ZNF18: variants seen among roughly 807,000 people sequenced by gnomAD.
ZNF18 encodes heart development-specific gene 1 protein.
Under a neutral mutation model 58.1 loss-of-function variants are expected in ZNF18, and 42 were observed. That is an observed-to-expected ratio of 0.72 (90% CI 0.56 to 0.93). The LOEUF (loss-of-function observed/expected upper bound fraction) is 0.93. ZNF18 is among the 40% of genes least tolerant of loss of function. The pLI is 0.00. For missense variants in ZNF18, 540 were observed against 644.2 expected, an observed-to-expected ratio of 0.84 and a Z score of 1.75; for synonymous variants, 231 against 239.8, an observed-to-expected ratio of 0.96 and a Z score of 0.34.
intron 2 of ZNF18, among the ~76,000 whole-genome samples, chr17:11,991,888 G>A (rs1242002692): frequency 6.6e-6 from 1 of 152,172 alleles, no homozygotes; most frequent in African/African-American, 2.4e-5. Context: ...TGCCAAAGCA[G>A]TGAAGCCTCC....
At chr17:11,996,767 C>T (rs1308178341) in intron 1 of ZNF18, 2 of 152,190 alleles carry the variant, frequency 1.3e-5, no homozygotes, top group African/African-American at 4.8e-5. Flanking sequence ...CGTATCGGCT[C>T]ATTATTAAGC....
the ZNF18 span, among the ~76,000 whole-genome samples, chr17:12,012,679 T>G: frequency 6.6e-6 from 1 of 152,124 alleles, no homozygotes; most frequent in Non-Finnish European, 1.5e-5. Flanking sequence ...GTGGTTTTAA[T>G]TTACATCTTT....
the ZNF18 span, among the ~76,000 whole-genome samples, chr17:12,018,402 T>C: frequency 2.6e-5 from 4 of 152,214 alleles, no homozygotes; most frequent in African/African-American, 7.2e-5. Context: ...TTGGTGTCTT[T>C]TGAGGACACA....
intron 1 of ZNF18, among the ~76,000 whole-genome samples, chr17:11,994,951 G>C (rs1171159654): frequency 6.6e-6 from 1 of 152,230 alleles, no homozygotes; most frequent in Non-Finnish European, 1.5e-5. Flanking sequence ...ACACTGAGTA[G>C]CCTGAAGAGG....
chr17:12,017,288 C>T, the ZNF18 span, among the ~76,000 whole-genome samples: 2 of 152,098 alleles, frequency 1.3e-5, no homozygotes, highest in Non-Finnish European at 2.9e-5. Flanking sequence ...TCTCACAGGC[C>T]CTGTATTTCC....
rs759049128 is a variant in ZNF18, at chr17:11,983,331, A to G, written c.828T>C (p.His276=). 18 of 1,613,970 alleles carry G rather than the reference A, an allele frequency of 1.1e-5. No homozygotes were observed. Among genetic ancestry groups the G allele is most frequent in the African/African-American group, 4.0e-5 (3 of 74,944 alleles). The change falls in exon 6 of 7, where the codon CAT becomes CAC. Residue 276 remains histidine, a synonymous_variant. Coordinates refer to ENST00000580306, the MANE Select transcript of ZNF18 (RefSeq NM_001303281.2). ...FGEELAGIYL[H]VNEKIPRPTC... Reference sequence around the variant, plus strand: ...TGGGTCTTGGGATCTTCTCATTGACATGAAGGTATATTCCTGCCAGCTCTT... The same window carrying G: ...TGGGTCTTGGGATCTTCTCATTGACGTGAAGGTATATTCCTGCCAGCTCTT...
chr17:11,978,468 C>T lies in ZNF18; in HGVS notation c.1139G>A (p.Gly380Glu), dbSNP rs140193484. 935 of 1,585,946 alleles carry T rather than the reference C, an allele frequency of 5.9e-4. 1 individual carries two copies. Among genetic ancestry groups the T allele is most frequent in the Non-Finnish European group, 7.5e-4 (871 of 1,166,936 alleles). The stretch of plus-strand genomic sequence containing the variant: ...CTCAAGCCACATGGTGGACATTTCT[C>T]CTGAATGAGGATTAGGCAAATGCTG... ...LGQHLPNPHS[G>E]EMSTMWLEEK... Residue 380 changes from glycine to glutamate, a missense_variant, in exon 7 of 7, where the codon GGA (glycine) becomes GAA (glutamate). Coordinates refer to ENST00000580306, the MANE Select transcript of ZNF18 (RefSeq NM_001303281.2).
chr17:12,021,512 G>C, the ZNF18 span: 1 of 151,680 alleles, frequency 6.6e-6, no homozygotes, highest in Non-Finnish European at 1.5e-5. Flanking sequence ...GGCTGTCGCC[G>C]GGCACAGCTG....
chr17:12,004,721 T>C, the ZNF18 span, among the ~76,000 whole-genome samples: 2 of 151,926 alleles, frequency 1.3e-5, no homozygotes, highest in South Asian at 2.1e-4. Context: ...ACCATGTCTC[T>C]ACTAAAAATA....
the ZNF18 span, among the ~76,000 whole-genome samples, chr17:12,011,792 C>A: frequency 2.0e-5 from 3 of 151,262 alleles, no homozygotes; most frequent in African/African-American, 7.3e-5. Context: ...CCTCTGCCTC[C>A]CAAGTTCAAG....
In ZNF18 at chr17:11,977,984, G is replaced by T. The variant is rs151293359; in HGVS notation, c.1623C>A (p.Ser541=). The change falls in exon 7 of 7, where the codon TCC becomes TCA. Residue 541 remains serine (S), a synonymous_variant. Transcript: ENST00000580306. ...WSSSLDKHQR[S]HLGKKPFQ The stretch of plus-strand genomic sequence containing the variant: ...ATTGAAAGGGCTTCTTTCCTAAGTG[G>T]GATCTTTGATGTTTGTCAAGGCTCG... The T allele has an allele frequency of 3.3e-5, 52 of 1,584,312 alleles. No individual in the cohort carries two copies. Among genetic ancestry groups the T allele is most frequent in the Non-Finnish European group, 3.9e-5 (45 of 1,166,094 alleles).
upstream of ZNF18, among the ~76,000 whole-genome samples, chr17:12,001,859 A>G (rs1597992376): frequency 6.6e-6 from 1 of 152,210 alleles, no homozygotes; most frequent in East Asian, 1.9e-4. Flanking sequence ...ATCTATTATA[A>G]ATGAAAATCA....
At chr17:11,979,368 A>C (rs1377324118) in intron 6 of ZNF18, among the ~76,000 whole-genome samples, 1 of 152,220 alleles carries the variant, frequency 6.6e-6, no homozygotes, top group Non-Finnish European at 1.5e-5. Context: ...TGTAATATAG[A>C]GTCTCCCTCT....
chr17:11,983,308 G>C lies in ZNF18; in HGVS notation c.851C>G (p.Pro284Arg). ...GAAAGATTACTCACCTATGCAGGTG[G>C]GTCTTGGGATCTTCTCATTGACATG... is the stretch of plus-strand genomic sequence containing the variant. ...YLHVNEKIPR[P>R]TCIGDRQEND... is the part of the protein sequence containing the mutation. The change falls in exon 6 of 7, where the codon CCC becomes CGC. Residue 284 changes from proline (P) to arginine (R), a missense_variant. By Grantham distance (103) the Pro-to-Arg change is moderately radical. Coordinates refer to ENST00000580306, the MANE Select transcript of ZNF18 (RefSeq NM_001303281.2). 1.9e-6 allele frequency: 3 copies of C among 1,606,576 alleles called. No homozygotes were observed. The highest frequency in any genetic ancestry group is 2.6e-6 in the Non-Finnish European group (3 of 1,173,200).
the ZNF18 span, among the ~76,000 whole-genome samples, chr17:12,003,945 G>A: frequency 6.6e-6 from 1 of 152,166 alleles, no homozygotes; most frequent in Admixed American, 6.5e-5. Context: ...TAAAAGTGAG[G>A]GCCTGGGCCG....
chr17:11,981,964 G>A (rs2151471414), intron 6 of ZNF18, among the ~76,000 whole-genome samples: 1 of 152,248 alleles, frequency 6.6e-6, no homozygotes, highest in African/African-American at 2.4e-5. Flanking sequence ...GAGGGATTAG[G>A]TCTAGATGAG....
At chr17:11,984,090 A>G (rs1450965273) in intron 5 of ZNF18, 23 bp downstream of exon 5, 2 of 1,600,628 alleles carry the variant, frequency 1.2e-6, no homozygotes, top group African/African-American at 1.4e-5. Context: ...ACCTCCTTCC[A>G]TCAGACTAAC....
chr17:11,981,488 GTT>G (rs1303561457), intron 6 of ZNF18, among the ~76,000 whole-genome samples: 1 of 103,666 alleles, frequency 9.6e-6, no homozygotes, highest in Non-Finnish European at 2.1e-5. Flanking sequence ...CCGGTTTTTT[GTT>G]TTTTTTTGCA....
chr17:12,005,199 A>G, the ZNF18 span, among the ~76,000 whole-genome samples: 1 of 150,896 alleles, frequency 6.6e-6, no homozygotes, highest in Non-Finnish European at 1.5e-5. Flanking sequence ...AGATACTAAT[A>G]TATGCATATA....
Sources: gnomAD v4.1 joint callset for allele counts (sites outside exome capture counted in the v4.1 genomes callset) on GRCh38, gnomAD v4.1.1 for gene constraint, MANE v1.5 for transcripts, NCBI Gene and HGNC (gene_info 2026-07-23, HGNC 2026-07-21) for gene names.